GTF2F1: variants seen among roughly 807,000 people sequenced by gnomAD.
GTF2F1 encodes general transcription factor IIF 74 kDa subunit.
In GTF2F1, 39 loss-of-function variants were observed where a neutral mutation model predicts 63.5. That is an observed-to-expected ratio of 0.61 (90% CI 0.48 to 0.80). GTF2F1 has a LOEUF of 0.80. Ranked by LOEUF, GTF2F1 falls within the 30% of genes least tolerant of loss-of-function variation. The pLI is 0.00. For synonymous variants in GTF2F1, 287 were observed against 285.3 expected, an observed-to-expected ratio of 1.01 and a Z score of -0.06; for missense variants, 657 against 718.3, an observed-to-expected ratio of 0.91 and a Z score of 0.97.
rs201169675 is a variant in GTF2F1, at chr19:6,389,518, G to C, written c.252C>G (p.Tyr84Ter). Residue 84 changes from tyrosine (Y) to a stop codon, truncating the protein, a stop_gained, in exon 4 of 13, where the codon TAC (tyrosine) becomes TAG (stop). Coordinates refer to ENST00000394456, the MANE Select transcript of GTF2F1 (RefSeq NM_002096.3). LOFTEE classifies it high-confidence loss of function. The stretch of plus-strand genomic sequence containing the variant: ...GCCGGAACTCCTTGAGGACGATGCC[G>C]TACTTCTTCCTCCGAGCCTCCTCCC... ...KLREEARRKK[Y>*]GIVLKEFRPE... 1 of 1,614,200 alleles carries C rather than the reference G, an allele frequency of 6.2e-7. No homozygotes were observed. Among genetic ancestry groups the C allele is most frequent in the East Asian group, 2.2e-5 (1 of 44,884 alleles).
rs781696476 is a variant in GTF2F1, at chr19:6,383,410, CCTT to C, written c.580_582del (p.Lys194del). 9 of 1,614,246 alleles carry C rather than the reference CCTT, an allele frequency of 5.6e-6. No homozygotes were observed. In the African/African-American group the frequency reaches 9.3e-5, roughly 17 times the overall value. ...CTCGCCTTCCTGCGGCCACGTTTCT[CCTT>C]CTCCTCCTCATCCTCGTCCTGGTCC... On this transcript the variant is annotated inframe_deletion, in exon 6 of 13. Transcript: ENST00000394456. The surrounding 1 kb of genome is among the most constrained non-coding windows in gnomAD (Gnocchi z 4.5).
rs45483994 is a variant in GTF2F1 at position 6,380,524 on chromosome 19, T to C, written c.1350-39A>G. 5.4e-3 allele frequency: 8,723 copies of C among 1,612,246 alleles called. 38 individuals are homozygous for C. The highest frequency in any genetic ancestry group is 6.8e-3 in the Non-Finnish European group (8,037 of 1,178,376). On this transcript the variant is annotated intron_variant, in intron 12 of 12. Transcript: ENST00000394456. The surrounding 1 kb of genome is among the most constrained non-coding windows in gnomAD (Gnocchi z 5.3). ...GACGGGGAAGGTGGCATCAGTGAGA[T>C]TGTCCCCAGTAGCCCTTGCCCTGCC...
At position 6,383,341 on chromosome 19, in the gene GTF2F1, A is replaced by T. The variant is rs764725687; in HGVS notation, c.652T>A (p.Ser218Thr). ...TCACCACTGGCATCACTGGCATCGG[A>T]CGACATCTCCAGGTCGTCCTCCAGG... ...HDLEDDLEMS[S>T]DASDASGEEG... Residue 218 changes from serine (S) to threonine (T), a missense_variant, in exon 6 of 13, where the codon TCC becomes ACC. Around this residue, in one of 2 missense-constraint regions of GTF2F1, gnomAD observed 602 missense variants for 625.6 expected, o/e 0.96. Coordinates refer to ENST00000394456, the MANE Select transcript of GTF2F1 (RefSeq NM_002096.3). This position sits in a 1 kb window ranked among gnomAD's most constrained non-coding sequence, Gnocchi z 4.5. 25 of 1,613,926 alleles carry T rather than the reference A, an allele frequency of 1.5e-5. No homozygotes were observed. The highest frequency in any genetic ancestry group is 1.6e-4 in the Middle Eastern group (1 of 6,084).
At position 6,384,248 on chromosome 19, in the gene GTF2F1, C is replaced by T. The variant is rs868323820; in HGVS notation, c.498-753G>A. Reference sequence around the variant, plus strand: ...CCAGGTTGGGCGCGGTGGCTCACGCCTGTAATCCCAGCACTTTGGGAGGCC... The same window carrying T: ...CCAGGTTGGGCGCGGTGGCTCACGCTTGTAATCCCAGCACTTTGGGAGGCC... On this transcript the variant is annotated intron_variant, in intron 5 of 12. Coordinates refer to ENST00000394456, the MANE Select transcript of GTF2F1 (RefSeq NM_002096.3). Among the ~76,000 whole-genome samples the T allele has an allele frequency of 5.5e-4, 83 of 152,006 alleles. 1 individual carries two copies. The highest frequency in any genetic ancestry group is 6.8e-3 in the Middle Eastern group (2 of 292).
chr19:6,382,502 A>G (rs1052321681), intron 6 of GTF2F1, among the ~76,000 whole-genome samples: 1 of 151,920 alleles, frequency 6.6e-6, no homozygotes, highest in African/African-American at 2.4e-5. Flanking sequence ...ATGGTGGTGC[A>G]TGCCTGTAGT....
At position 6,381,050 on chromosome 19, in the gene GTF2F1, G is replaced by T; in HGVS notation, c.1093-8C>A. ...GGGTGGCGTCTTCTTCTTCTGCAGAGGTCAGGGTTGGGAGGTGGGTGAGTC... is the reference window on the plus strand; with the variant it reads ...GGGTGGCGTCTTCTTCTTCTGCAGATGTCAGGGTTGGGAGGTGGGTGAGTC... On this transcript the variant is annotated splice_polypyrimidine_tract_variant and splice_region_variant and intron_variant, in intron 10 of 12. Coordinates refer to ENST00000394456, the MANE Select transcript of GTF2F1 (RefSeq NM_002096.3). This position sits in a 1 kb window ranked among gnomAD's most constrained non-coding sequence, Gnocchi z 4.1. 1 of 1,611,142 alleles carries T rather than the reference G, an allele frequency of 6.2e-7. No individual in the cohort carries two copies. Among genetic ancestry groups the T allele is most frequent in the Non-Finnish European group, 8.5e-7 (1 of 1,178,820 alleles).
In GTF2F1 at chr19:6,381,972, T is replaced by G; in HGVS notation, c.683-122A>C. 1 of 801,080 alleles carries G rather than the reference T, an allele frequency of 1.2e-6. No homozygotes were observed. Among genetic ancestry groups the G allele is most frequent in the Non-Finnish European group, 2.0e-6 (1 of 508,312 alleles). 49.6% of individuals were successfully genotyped at this position (801,080 alleles called of 1,614,324 possible). ...GGGGGGCCTCACTGACTGGGGAGAC[T>G]ACACCTCCAGGGCCAGCCCAGGAGC... On this transcript the variant is annotated intron_variant, in intron 6 of 12. Coordinates refer to ENST00000394456, the MANE Select transcript of GTF2F1 (RefSeq NM_002096.3). This position sits in a 1 kb window ranked among gnomAD's most constrained non-coding sequence, Gnocchi z 4.1.
chr19:6,386,789 A>G (rs1008501890), intron 5 of GTF2F1: 2 of 152,346 alleles, frequency 1.3e-5, no homozygotes, highest in African/African-American at 4.8e-5. Context: ...CTCTTTGAGC[A>G]TCTGCTCATC....
chr19:6,392,776 A>G, intron 2 of GTF2F1, 81 bp downstream of exon 2: 2 of 1,404,722 alleles, frequency 1.4e-6, no homozygotes, highest in Non-Finnish European at 2.0e-6. Flanking sequence ...AGACAGGGCC[A>G]GAAATGGCTG....
chr19:6,391,593 CCCACG>C (rs1241628730), intron 3 of GTF2F1, among the ~76,000 whole-genome samples: 2 of 151,796 alleles, frequency 1.3e-5, no homozygotes, highest in African/African-American at 4.8e-5. Flanking sequence ...GGACTACAGA[CCCACG>C]CTATCAGCCC....
chr19:6,389,696 C>G (rs764497704), intron 3 of GTF2F1, 59 bp from the exon 4 acceptor site: 13 of 1,488,074 alleles, frequency 8.7e-6, no homozygotes, highest in East Asian at 6.8e-5. Context: ...GCAGTGCCCC[C>G]CTCCAGGAAC....
chr19:6,380,719 T>G lies in GTF2F1; in HGVS notation c.1232-29A>C, dbSNP rs201669887. Reference sequence around the variant, plus strand: ...TGGGAGTGGGGTCAGGGCTGAGTCTTGCAGGCAGGAGGCAGAACCCCTGGG... The same window carrying G: ...TGGGAGTGGGGTCAGGGCTGAGTCTGGCAGGCAGGAGGCAGAACCCCTGGG... On this transcript the variant is annotated intron_variant, in intron 11 of 12. Transcript: ENST00000394456. This position sits in a 1 kb window ranked among gnomAD's most constrained non-coding sequence, Gnocchi z 5.3. The G allele has an allele frequency of 7.5e-6, 12 of 1,602,636 alleles. No individual in the cohort carries two copies. The Admixed American group carries it at 2.0e-4, about 27-fold the overall frequency.
rs1353383510 is a variant in GTF2F1 at position 6,381,969 on chromosome 19, GACT to G, written c.683-122_683-120del. The G allele has an allele frequency of 2.5e-6, 2 of 816,168 alleles. No individual in the cohort carries two copies. The highest frequency in any genetic ancestry group is 3.8e-6 in the Non-Finnish European group (2 of 521,258). 50.6% of individuals were successfully genotyped at this position (816,168 alleles called of 1,614,324 possible). A position where few individuals can be genotyped will look rare whatever the true frequency, so the allele number is the denominator to read the frequency against. On this transcript the variant is annotated intron_variant, in intron 6 of 12. Transcript: ENST00000394456. This position sits in a 1 kb window ranked among gnomAD's most constrained non-coding sequence, Gnocchi z 4.1. ...CCTGGGGGGCCTCACTGACTGGGGA[GACT>G]ACACCTCCAGGGCCAGCCCAGGAGC...
intron 3 of GTF2F1, among the ~76,000 whole-genome samples, chr19:6,391,443 T>TG: frequency 7.7e-6 from 1 of 129,754 alleles, no homozygotes; most frequent in Non-Finnish European, 1.6e-5. Context: ...ATTTCCGTTT[T>TG]TTTTTTTTTT....
rs773225692 is a variant in GTF2F1, at chr19:6,381,030, GCGT to G, written c.1102_1104del (p.Thr368del). ...GACGGCTTCCGCTCTCTCTTGGGTG[GCGT>G]CTTCTTCTTCTGCAGAGGTCAGGGT... On this transcript the variant is annotated inframe_deletion, in exon 11 of 13. Transcript: ENST00000394456. This position sits in a 1 kb window ranked among gnomAD's most constrained non-coding sequence, Gnocchi z 4.1. 42 of 1,611,580 alleles carry G rather than the reference GCGT, an allele frequency of 2.6e-5. No homozygotes were observed. Among genetic ancestry groups the G allele is most frequent in the Non-Finnish European group, 3.2e-5 (38 of 1,179,114 alleles).
At chr19:6,389,915 C>T (rs143368727) in intron 3 of GTF2F1, among the ~76,000 whole-genome samples, 3 of 152,172 alleles carry the variant, frequency 2.0e-5, no homozygotes, top group Non-Finnish European at 4.4e-5. Flanking sequence ...AGCAGGCCAT[C>T]GGAGGCAAAA....
In GTF2F1 at chr19:6,380,115, T is replaced by C; in HGVS notation, c.*166A>G. 1.4e-6 allele frequency: 1 copy of C among 692,070 alleles called. No individual in the cohort carries two copies. The highest frequency in any genetic ancestry group is 2.6e-6 in the Non-Finnish European group (1 of 385,906). 42.9% of individuals were successfully genotyped at this position (692,070 alleles called of 1,614,324 possible). On this transcript the variant is annotated 3_prime_UTR_variant, in exon 13 of 13. Coordinates refer to ENST00000394456, the MANE Select transcript of GTF2F1 (RefSeq NM_002096.3). This position sits in a 1 kb window ranked among gnomAD's most constrained non-coding sequence, Gnocchi z 5.3. The stretch of plus-strand genomic sequence containing the variant: ...GCTTAACTTTTCCAGAATTGCTAAC[T>C]ACGGGGCCCTGGGAGTCAGGGAGCA...
Position 6,391,887 on chromosome 19 carries a change from G to C in GTF2F1, c.132+15C>G. ...CACCACCCCAGCCCCTGACCCCCAG[G>C]ACTCAGAGACTTACCTGATTCCACG... On this transcript the variant is annotated intron_variant, in intron 3 of 12. Transcript: ENST00000394456. The C allele has an allele frequency of 6.7e-7, 1 of 1,502,250 alleles. No homozygotes were observed. The highest frequency in any genetic ancestry group is 1.9e-5 in the Admixed American group (1 of 52,496). 93.1% of individuals were successfully genotyped at this position (1,502,250 alleles called of 1,614,324 possible). A position where few individuals can be genotyped will look rare whatever the true frequency, so the allele number is the denominator to read the frequency against.
At chr19:6,391,128 C>T (rs1004555814) in intron 3 of GTF2F1, among the ~76,000 whole-genome samples, 6 of 152,216 alleles carry the variant, frequency 3.9e-5, no homozygotes, top group Non-Finnish European at 2.9e-5. Flanking sequence ...GTTGCTTCTA[C>T]CTTGGTCTCC....
Sources: gnomAD v4.1 joint callset for allele counts (sites outside exome capture counted in the v4.1 genomes callset) on GRCh38, gnomAD v4.1.1 for gene constraint, gnomAD v4.1.1 regional missense constraint, Gnocchi (gnomAD v3.1) non-coding constraint, MANE v1.5 for transcripts, NCBI Gene and HGNC (gene_info 2026-07-23, HGNC 2026-07-21) for gene names.